C1orf122: variants seen among roughly 807,000 people sequenced by gnomAD.
C1orf122 encodes chromosome 1 open reading frame 122, also known as uncharacterized protein C1orf122.
Under a neutral mutation model 12.9 loss-of-function variants are expected in C1orf122, and 12 were observed. The ratio of observed to expected loss-of-function variants is 0.93; its 90% CI spans 0.60 to 1.51. The LOEUF (loss-of-function observed/expected upper bound fraction) is 1.51, where lower values mean the gene tolerates loss of function less well. Among genes scored for constraint, C1orf122 ranks in the 40% most tolerant of loss-of-function variants. The pLI is 0.00. For synonymous variants in C1orf122, 57 were observed against 73.4 expected, an observed-to-expected ratio of 0.78 and a Z score of 1.14; for missense variants, 144 against 162.1, an observed-to-expected ratio of 0.89 and a Z score of 0.61.
chr1:37,809,272 G>A lies in C1orf122; in HGVS notation c.*199G>A. The stretch of plus-strand genomic sequence containing the variant: ...TGAAAGCAGTGCTGTGCTTTGAAAT[G>A]CAGCCAATGAATACCCAGTCTGATT... On this transcript the variant is annotated 3_prime_UTR_variant, in exon 3 of 3. Transcript: ENST00000373042. 2.6e-6 allele frequency: 2 copies of A among 757,974 alleles called. No homozygotes were observed. Among genetic ancestry groups the A allele is most frequent in the Non-Finnish European group, 4.8e-6 (2 of 418,152 alleles). The allele number at this position is 757,974 out of a possible 1,614,324, so 47.0% of individuals were successfully genotyped here.
intron 2 of C1orf122, 38 bp from the exon 3 acceptor site, chr1:37,808,940 C>T (rs1646765211): frequency 6.3e-7 from 1 of 1,595,730 alleles, no homozygotes; most frequent in Non-Finnish European, 8.6e-7. Flanking sequence ...CAAGGCCTTG[C>T]CTCCCAGCCT....
At chr1:37,808,500 G>C in intron 1 of C1orf122, 31 bp from the exon 2 acceptor site, 1 of 1,283,656 alleles carries the variant, frequency 7.8e-7, no homozygotes, top group Non-Finnish European at 9.8e-7. Flanking sequence ...CGCCGGCCCT[G>C]ACCGTCTGTC....
At position 37,808,536 on chromosome 1, in the gene C1orf122, C is replaced by G; in HGVS notation, c.41C>G (p.Ala14Gly). Residue 14 changes from alanine (A) to glycine (G), a missense_variant, in exon 2 of 3, where the codon GCT becomes GGT. Physicochemically the swap from Ala to Gly is moderately conservative, Grantham distance 60 (BLOSUM62 0). Transcript: ENST00000373042. Reference sequence around the variant, plus strand: ...TCTCGCTCTCTCCCGGGCAGGGAGGCTGCCGGCGTGGACCGCGGGAAGGCG... The same window carrying G: ...TCTCGCTCTCTCCCGGGCAGGGAGGGTGCCGGCGTGGACCGCGGGAAGGCG... ...GPGSDWSRGE[A>G]AGVDRGKAGL... is the part of the protein sequence containing the mutation. 4 of 1,301,378 alleles carry G rather than the reference C, an allele frequency of 3.1e-6. No individual in the cohort carries two copies. The highest frequency in any genetic ancestry group is 3.9e-6 in the Non-Finnish European group (4 of 1,027,186). 80.6% of individuals were successfully genotyped at this position (1,301,378 alleles called of 1,614,324 possible).
Position 37,807,907 on chromosome 1 carries a change from C to T in C1orf122, c.-498C>T. 1 of 1,362,414 alleles carries T rather than the reference C, an allele frequency of 7.3e-7. No individual in the cohort carries two copies. Among genetic ancestry groups the T allele is most frequent in the Non-Finnish European group, 9.5e-7 (1 of 1,051,122 alleles). The allele number at this position is 1,362,414 out of a possible 1,614,324, so 84.4% of individuals were successfully genotyped here. ...GAGCAGCTCGCCGCGCAGGCCAGGC[C>T]GTACAGCGTATCGGTGGGGACGGCC... On this transcript the variant is annotated 5_prime_UTR_variant, in exon 1 of 3. Transcript: ENST00000373042.
In C1orf122 at chr1:37,807,952, G is replaced by A. The variant is rs1163762267; in HGVS notation, c.-453G>A. ...ACGGCCACCACGGCGCCGGCGCGCA[G>A]CTCGGCCACGGCGGCCCGCAGCGCC... On this transcript the variant is annotated 5_prime_UTR_variant, in exon 1 of 3. Coordinates refer to ENST00000373042, the MANE Select transcript of C1orf122 (RefSeq NM_198446.3). 5 of 1,227,522 alleles carry A rather than the reference G, an allele frequency of 4.1e-6. No homozygotes were observed. Among genetic ancestry groups the A allele is most frequent in the Non-Finnish European group, 5.1e-6 (5 of 984,980 alleles). 76.0% of individuals were successfully genotyped at this position (1,227,522 alleles called of 1,614,324 possible).
chr1:37,808,461 C>T (rs2148392941), intron 1 of C1orf122, 22 bp downstream of exon 1: 1 of 1,276,300 alleles, frequency 7.8e-7, no homozygotes, highest in South Asian at 2.7e-5. Context: ...CCCGTCGGGG[C>T]GGGAGGAAGG....
chr1:37,808,331 T>G lies in C1orf122; in HGVS notation c.-74T>G. On this transcript the variant is annotated 5_prime_UTR_variant, in exon 1 of 3. Transcript: ENST00000373042. ...GGTGGGGACGGGGCGGGGCGCAGCCTTGCGAAGCCCTAACGCAGCGCTGGG... is the reference window on the plus strand; with the variant it reads ...GGTGGGGACGGGGCGGGGCGCAGCCGTGCGAAGCCCTAACGCAGCGCTGGG... 1 of 1,281,534 alleles carries G rather than the reference T, an allele frequency of 7.8e-7. No individual in the cohort carries two copies. Among genetic ancestry groups the G allele is most frequent in the Non-Finnish European group, 9.9e-7 (1 of 1,015,020 alleles). 79.4% of individuals were successfully genotyped at this position (1,281,534 alleles called of 1,614,324 possible).
chr1:37,808,440 G>T lies in C1orf122; in HGVS notation c.35+1G>T, dbSNP rs1646759065. On this transcript the variant is annotated splice_donor_variant, in intron 1 of 2. Transcript: ENST00000373042. LOFTEE classifies it high-confidence loss of function. ...GCCCGGGCTCAGACTGGTCACGGGGGTGAGAGGGGGCCCGTCGGGGCGGGA... is the reference window on the plus strand; with the variant it reads ...GCCCGGGCTCAGACTGGTCACGGGGTTGAGAGGGGGCCCGTCGGGGCGGGA... 2 of 1,283,768 alleles carry T rather than the reference G, an allele frequency of 1.6e-6. No homozygotes were observed. Among genetic ancestry groups the T allele is most frequent in the Non-Finnish European group, 2.0e-6 (2 of 1,016,916 alleles). The allele number at this position is 1,283,768 out of a possible 1,614,324, so 79.5% of individuals were successfully genotyped here. A position where few individuals can be genotyped will look rare whatever the true frequency, so the allele number is the denominator to read the frequency against.
chr1:37,809,063 C>CGGA lies in C1orf122; in HGVS notation c.325_327dup (p.Glu109dup), dbSNP rs770397880. ...CCAAAGGATGCTGGCGATGGAGCTG[C>CGGA]GGAGCCCTGACCATCCCCGAGCAGA... On this transcript the variant is annotated inframe_insertion, in exon 3 of 3. Coordinates refer to ENST00000373042, the MANE Select transcript of C1orf122 (RefSeq NM_198446.3). The CGGA allele has an allele frequency of 9.3e-6, 15 of 1,614,036 alleles. No individual in the cohort carries two copies. In the South Asian group the frequency reaches 1.5e-4, roughly 17 times the overall value.
At chr1:37,808,950 TCA>T (rs1646765295) in intron 2 of C1orf122, 26 bp from the exon 3 acceptor site, 1 of 1,605,472 alleles carries the variant, frequency 6.2e-7, no homozygotes, top group South Asian at 1.1e-5. Context: ...CCTCCCAGCC[TCA>T]CTTTTTTCCT....
Position 37,808,317 on chromosome 1 carries a change from G to A in C1orf122, c.-88G>A. 4 of 1,283,746 alleles carry A rather than the reference G, an allele frequency of 3.1e-6. No homozygotes were observed. The highest frequency in any genetic ancestry group is 3.9e-6 in the Non-Finnish European group (4 of 1,016,002). The allele number at this position is 1,283,746 out of a possible 1,614,324, so 79.5% of individuals were successfully genotyped here. Reference sequence around the variant, plus strand: ...GATTGAAGGAGACCGGTGGGGACGGGGCGGGGCGCAGCCTTGCGAAGCCCT... The same window carrying A: ...GATTGAAGGAGACCGGTGGGGACGGAGCGGGGCGCAGCCTTGCGAAGCCCT... On this transcript the variant is annotated 5_prime_UTR_variant, in exon 1 of 3. Coordinates refer to ENST00000373042, the MANE Select transcript of C1orf122 (RefSeq NM_198446.3).
At position 37,808,590 on chromosome 1, in the gene C1orf122, C is replaced by A; in HGVS notation, c.95C>A (p.Pro32Gln). 7.7e-7 allele frequency: 1 copy of A among 1,295,126 alleles called. No homozygotes were observed. The highest frequency in any genetic ancestry group is 9.8e-7 in the Non-Finnish European group (1 of 1,022,962). 80.2% of individuals were successfully genotyped at this position (1,295,126 alleles called of 1,614,324 possible). Residue 32 changes from proline to glutamine, a missense_variant, in exon 2 of 3, where the codon CCA becomes CAA. Pro to Gln is a moderately conservative substitution (Grantham distance 76). Transcript: ENST00000373042. Reference protein sequence around the residue: ...AGLGLGGRPPPQPPREERAQQ... With the variant: ...AGLGLGGRPPQQPPREERAQQ... ...CTGGGGCTCGGCGGGAGGCCACCCC[C>A]ACAGCCGCCCCGGGAGGAGCGCGCC...
Position 37,808,145 on chromosome 1 carries a change from G to T in C1orf122, c.-260G>T, listed in dbSNP as rs1030377194. 11 of 1,471,684 alleles carry T rather than the reference G, an allele frequency of 7.5e-6. No homozygotes were observed. The highest frequency in any genetic ancestry group is 9.8e-6 in the Non-Finnish European group (11 of 1,118,526). The allele number at this position is 1,471,684 out of a possible 1,614,324, so 91.2% of individuals were successfully genotyped here. ...TCAACCCCACGCTGGCAGCCACCGCGGCCCTCATCCCCCTGCACCGACGCG... is the reference window on the plus strand; with the variant it reads ...TCAACCCCACGCTGGCAGCCACCGCTGCCCTCATCCCCCTGCACCGACGCG... On this transcript the variant is annotated 5_prime_UTR_variant, in exon 1 of 3. Coordinates refer to ENST00000373042, the MANE Select transcript of C1orf122 (RefSeq NM_198446.3).
In C1orf122 at chr1:37,808,564, G is replaced by A. The variant is rs1171686880; in HGVS notation, c.69G>A (p.Gly23=). 6 of 1,301,102 alleles carry A rather than the reference G, an allele frequency of 4.6e-6. No individual in the cohort carries two copies. The highest frequency in any genetic ancestry group is 4.2e-5 in the Admixed American group (1 of 24,080). 80.6% of individuals were successfully genotyped at this position (1,301,102 alleles called of 1,614,324 possible). Residue 23 remains glycine, a synonymous_variant, in exon 2 of 3, where the codon GGG becomes GGA. Transcript: ENST00000373042. ...CCGGCGTGGACCGCGGGAAGGCGGG[G>A]CTGGGGCTCGGCGGGAGGCCACCCC... ...EAAGVDRGKA[G]LGLGGRPPPQ...
In C1orf122 at chr1:37,807,880, C is replaced by G. The variant is rs1248910043; in HGVS notation, c.-525C>G. ...AGGCGGTACACAGCGCGCAGAGCCG[C>G]CGAGCAGCTCGCCGCGCAGGCCAGG... is the stretch of plus-strand genomic sequence containing the variant. On this transcript the variant is annotated 5_prime_UTR_variant, in exon 1 of 3. Transcript: ENST00000373042. 1.2e-5 allele frequency: 18 copies of G among 1,458,878 alleles called. No homozygotes were observed. In the African/African-American group the frequency reaches 1.3e-4, roughly 11 times the overall value. 90.4% of individuals were successfully genotyped at this position (1,458,878 alleles called of 1,614,324 possible).
chr1:37,808,529 A>T lies in C1orf122; in HGVS notation c.36-2A>T. The T allele has an allele frequency of 7.7e-7, 1 of 1,300,948 alleles. No individual in the cohort carries two copies. The highest frequency in any genetic ancestry group is 9.7e-7 in the Non-Finnish European group (1 of 1,026,944). 80.6% of individuals were successfully genotyped at this position (1,300,948 alleles called of 1,614,324 possible). ...GTCTGTCTCTCGCTCTCTCCCGGGC[A>T]GGGAGGCTGCCGGCGTGGACCGCGG... is the stretch of plus-strand genomic sequence containing the variant. On this transcript the variant is annotated splice_acceptor_variant, in intron 1 of 2. Transcript: ENST00000373042. LOFTEE classifies it high-confidence loss of function.
Position 37,808,181 on chromosome 1 carries a change from C to T in C1orf122, c.-224C>T. ...CCCTGCACCGACGCGCCGGAGACAT[C>T]CGCCCAGGCCCGCTTCCGGGAGGAA... On this transcript the variant is annotated 5_prime_UTR_variant, in exon 1 of 3. Transcript: ENST00000373042. 7.0e-7 allele frequency: 1 copy of T among 1,437,830 alleles called. No individual in the cohort carries two copies. 89.1% of individuals were successfully genotyped at this position (1,437,830 alleles called of 1,614,324 possible).
rs1330187561 is a variant in C1orf122, at chr1:37,808,305, C to G, written c.-100C>G. 26 of 1,272,922 alleles carry G rather than the reference C, an allele frequency of 2.0e-5. No homozygotes were observed. The highest frequency in any genetic ancestry group is 2.6e-5 in the Non-Finnish European group (26 of 1,009,956). 78.9% of individuals were successfully genotyped at this position (1,272,922 alleles called of 1,614,324 possible). On this transcript the variant is annotated 5_prime_UTR_variant, in exon 1 of 3. Coordinates refer to ENST00000373042, the MANE Select transcript of C1orf122 (RefSeq NM_198446.3). ...GACCCCCAGGAGGATTGAAGGAGAC[C>G]GGTGGGGACGGGGCGGGGCGCAGCC...
At position 37,808,378 on chromosome 1, in the gene C1orf122, G is replaced by T; in HGVS notation, c.-27G>T. 7.8e-7 allele frequency: 1 copy of T among 1,290,206 alleles called. No homozygotes were observed. The highest frequency in any genetic ancestry group is 9.8e-7 in the Non-Finnish European group (1 of 1,020,610). 79.9% of individuals were successfully genotyped at this position (1,290,206 alleles called of 1,614,324 possible). ...TGGGGAGGGGGGCGGCCGAAAGGGGGGCGGTGGTCGGGCCGCGCAAGCGGA... is the reference window on the plus strand; with the variant it reads ...TGGGGAGGGGGGCGGCCGAAAGGGGTGCGGTGGTCGGGCCGCGCAAGCGGA... On this transcript the variant is annotated 5_prime_UTR_variant, in exon 1 of 3. Transcript: ENST00000373042.
Sources: gnomAD v4.1 joint callset for allele counts on GRCh38, gnomAD v4.1.1 for gene constraint, MANE v1.5 for transcripts, NCBI Gene and HGNC (gene_info 2026-07-23, HGNC 2026-07-21) for gene names.